PDK1: variants seen among roughly 807,000 people sequenced by gnomAD.
PDK1 encodes pyruvate dehydrogenase kinase 1, also known as [Pyruvate dehydrogenase (acetyl-transferring)] kinase isozyme 1, mitochondrial.
PDK1 carries 39 observed loss-of-function variants against 54.2 expected under a neutral mutation model. The ratio of observed to expected loss-of-function variants is 0.72; its 90% CI spans 0.56 to 0.94. The LOEUF is 0.94. PDK1 is among the 40% of genes least tolerant of loss of function. The probability of loss-of-function intolerance (pLI) is 0.00; values close to 1 mark genes in which losing one functional copy is unlikely to be tolerated. For synonymous variants in PDK1, 221 were observed against 207.1 expected (o/e 1.07, Z -0.58); for missense variants, 552 against 566.0 (o/e 0.98, Z 0.25).
chr2:172,683,833 C>T, the PDK1 span, among the ~76,000 whole-genome samples: 4 of 151,942 alleles, frequency 2.6e-5, no homozygotes, highest in African/African-American at 4.8e-5. Context: ...GAAAACCAAG[C>T]GAGTGGTGTG....
chr2:172,655,372 T>TC, the PDK1 span, among the ~76,000 whole-genome samples: 4 of 152,242 alleles, frequency 2.6e-5, no homozygotes, highest in Admixed American at 2.6e-4. Flanking sequence ...CATTCATCAT[T>TC]CCAGGTCTTG....
chr2:172,613,184 A>G (rs1691516194), downstream of PDK1, among the ~76,000 whole-genome samples: 3 of 152,214 alleles, frequency 2.0e-5, no homozygotes, highest in Admixed American at 6.5e-5. Flanking sequence ...ACTGCCCATG[A>G]GGACACCCAC....
chr2:172,681,227 C>T, the PDK1 span, among the ~76,000 whole-genome samples: 1 of 152,170 alleles, frequency 6.6e-6, no homozygotes, highest in Admixed American at 6.5e-5. Context: ...AGAAGTTAAG[C>T]GATGCTCTGA....
the PDK1 span, among the ~76,000 whole-genome samples, chr2:172,624,804 G>C: frequency 1.3e-5 from 2 of 152,110 alleles, no homozygotes; most frequent in Non-Finnish European, 2.9e-5. Flanking sequence ...TTCAAGACCA[G>C]CCTGACCAAC....
intron 8 of PDK1, among the ~76,000 whole-genome samples, chr2:172,583,281 G>GTTTTTTTTTTTTTTTTTTTTTTTT (rs1175087926): frequency 6.5e-5 from 5 of 77,076 alleles, no homozygotes; most frequent in African/African-American, 2.2e-4. Context: ...AAGTTTTCTG[G>GTTTTTTTTTTTTTTTTTTTTTTTT]TTTTTTTTTT....
chr2:172,626,323 A>G, the PDK1 span, among the ~76,000 whole-genome samples: 1 of 151,716 alleles, frequency 6.6e-6, no homozygotes, highest in African/African-American at 2.4e-5. Context: ...AATGGGGGTG[A>G]TTAAAAAAAA....
At chr2:172,618,525 A>T in the PDK1 span, among the ~76,000 whole-genome samples, 1 of 152,214 alleles carries the variant, frequency 6.6e-6, no homozygotes, top group African/African-American at 2.4e-5. Flanking sequence ...ACTGAAGCCA[A>T]AGATGAATAA....
At chr2:172,647,065 G>A in the PDK1 span, among the ~76,000 whole-genome samples, 1 of 152,088 alleles carries the variant, frequency 6.6e-6, no homozygotes, top group Non-Finnish European at 1.5e-5. Context: ...TGATCATGCT[G>A]CTGGTACATG....
the PDK1 span, among the ~76,000 whole-genome samples, chr2:172,634,262 A>ATATTAT: frequency 0.051 from 7,062 of 139,444 alleles, 303 homozygotes; most frequent in East Asian, 0.18. Context: ...AAATCTATTT[A>ATATTAT]TATTATTATT....
the PDK1 span, among the ~76,000 whole-genome samples, chr2:172,664,336 C>CAAAAAAAAAAAAA: frequency 8.9e-5 from 3 of 33,614 alleles, no homozygotes; most frequent in East Asian, 1.2e-3. Context: ...AAAAAAAAAG[C>CAAAAAAAAAAAAA]ATTGCCTTGC....
At chr2:172,690,264 T>C in the PDK1 span, among the ~76,000 whole-genome samples, 1 of 150,566 alleles carries the variant, frequency 6.6e-6, no homozygotes, top group African/African-American at 2.4e-5. Context: ...TCATCGTCAC[T>C]GATCACCAGA....
the PDK1 span, among the ~76,000 whole-genome samples, chr2:172,683,117 C>T: frequency 6.6e-6 from 1 of 151,920 alleles, no homozygotes; most frequent in Non-Finnish European, 1.5e-5. Flanking sequence ...GAGGCCGAGG[C>T]GGGCGGATCA....
chr2:172,720,100 C>T, the PDK1 span, among the ~76,000 whole-genome samples: 1 of 114,398 alleles, frequency 8.7e-6, no homozygotes, highest in Admixed American at 8.9e-5. Flanking sequence ...GAGCTTTTCT[C>T]TCTCTCTCTC....
rs1176623754 is a variant in PDK1 at position 172,604,466 on chromosome 2, A to G, written c.*8497A>G. ...TATTTTGTTAGACTTAAATCTAAGT[A>G]TTTGCTTTTTTTTTAACTTACAAAT... is the stretch of plus-strand genomic sequence containing the variant. On this transcript the variant is annotated 3_prime_UTR_variant, in exon 11 of 11. Transcript: ENST00000282077. The G allele has an allele frequency of 6.6e-6, 1 of 151,946 alleles. No individual in the cohort carries two copies. The highest frequency in any genetic ancestry group is 1.9e-4 in the East Asian group (1 of 5,190). 9.4% of individuals were successfully genotyped at this position (151,946 alleles called of 1,614,324 possible).
chr2:172,587,821 C>T (rs922415178), intron 9 of PDK1, among the ~76,000 whole-genome samples: 1 of 152,178 alleles, frequency 6.6e-6, no homozygotes, highest in African/African-American at 2.4e-5. Flanking sequence ...TAGCTAGACA[C>T]AGAGTGCTGA....
chr2:172,587,835 G>A (rs1020372335), intron 9 of PDK1, among the ~76,000 whole-genome samples: 13 of 152,146 alleles, frequency 8.5e-5, no homozygotes, highest in Non-Finnish European at 1.5e-4. Context: ...GTGCTGATTG[G>A]TGCATTTACA....
the PDK1 span, among the ~76,000 whole-genome samples, chr2:172,703,853 A>T: frequency 1.4e-5 from 2 of 143,580 alleles, no homozygotes; most frequent in African/African-American, 2.6e-5. Flanking sequence ...GCTCACCGCA[A>T]CCTCTGCCTC....
At chr2:172,660,894 C>T in the PDK1 span, among the ~76,000 whole-genome samples, 1 of 152,176 alleles carries the variant, frequency 6.6e-6, no homozygotes, top group East Asian at 1.9e-4. Flanking sequence ...TCTGGACTTA[C>T]CTGTCTGGCA....
At chr2:172,562,797 T>C in intron 3 of PDK1, 2 of 1,611,888 alleles carry the variant, frequency 1.2e-6, no homozygotes, top group Non-Finnish European at 1.7e-6. Context: ...GCCTGCAAGA[T>C]GATGTAAGTA....
Sources: gnomAD v4.1 joint callset for allele counts (sites outside exome capture counted in the v4.1 genomes callset) on GRCh38, gnomAD v4.1.1 for gene constraint, MANE v1.5 for transcripts, NCBI Gene and HGNC (gene_info 2026-07-23, HGNC 2026-07-21) for gene names.